The following LIPA variants were observed in gnomAD, a reference collection of about 807,000 sequenced individuals.
LIPA encodes the protein lysosomal acid lipase/cholesteryl ester hydrolase.
Under a neutral mutation model 40.6 loss-of-function variants are expected in LIPA, and 26 were observed. The observed-to-expected ratio is 0.64, with a 90% CI of 0.47 to 0.89. The LOEUF (loss-of-function observed/expected upper bound fraction) is 0.89. Ranked by LOEUF, LIPA falls within the 40% of genes least tolerant of loss-of-function variation. The pLI is 0.00. For synonymous variants in LIPA, 188 were observed against 168.4 expected (o/e 1.12, Z -0.90); for missense variants, 455 against 479.6 (o/e 0.95, Z 0.48).
intron 2 of LIPA, among the ~76,000 whole-genome samples, chr10:89,392,263 C>T (rs1335275293): frequency 1.3e-5 from 2 of 152,050 alleles, no homozygotes; most frequent in Non-Finnish European, 2.9e-5. Context: ...ATAGAGCTAT[C>T]TCCTTCAATT....
At chr10:89,269,316 CA>C (rs1427471489) in intron 1 of LIPA, among the ~76,000 whole-genome samples, 1 of 151,900 alleles carries the variant, frequency 6.6e-6, no homozygotes, top group Admixed American at 6.6e-5. Flanking sequence ...GTGACAGAGT[CA>C]AAAAAATAAT....
chr10:89,222,528 T>C lies in LIPA; in HGVS notation c.877A>G (p.Met293Val), dbSNP rs764343762. The C allele has an allele frequency of 5.0e-6, 8 of 1,609,956 alleles. No homozygotes were observed. The highest frequency in any genetic ancestry group is 1.3e-5 in the African/African-American group (1 of 74,836). ...ATGCCTACCTGGCTCCAGTGTAACA[T>C]GTTTTGCACAGAAGTTCCAGCAGGA... ...HSPAGTSVQN[M>V]LHWSQAVKFQ... Residue 293 changes from methionine (M) to valine (V), a missense_variant, in exon 8 of 10, where the codon ATG (methionine) becomes GTG (valine). By Grantham distance (21) the Met-to-Val change is conservative. Transcript: ENST00000336233.
intron 2 of LIPA, among the ~76,000 whole-genome samples, chr10:89,396,231 G>T (rs1462105474): frequency 1.3e-5 from 2 of 152,144 alleles, no homozygotes; most frequent in Admixed American, 6.5e-5. Context: ...ATGTATGAGG[G>T]TTTCAATTTC....
chr10:89,219,861 C>T (rs1017195392), intron 8 of LIPA, among the ~76,000 whole-genome samples: 24 of 152,384 alleles, frequency 1.6e-4, no homozygotes, highest in African/African-American at 5.8e-4. Flanking sequence ...AAGGCCCAGG[C>T]TGCCTTGTAC....
At chr10:89,320,718 T>C (rs1311970738) in intron 1 of LIPA, among the ~76,000 whole-genome samples, 1 of 152,204 alleles carries the variant, frequency 6.6e-6, no homozygotes, top group Non-Finnish European at 1.5e-5. Context: ...AAAAAACTAC[T>C]TTAAAGTTCA....
intron 1 of LIPA, among the ~76,000 whole-genome samples, chr10:89,258,254 G>A (rs1843190784): frequency 6.6e-6 from 1 of 152,144 alleles, no homozygotes; most frequent in East Asian, 1.9e-4. Flanking sequence ...AATGAACCTA[G>A]ACCCTTAAGT....
At chr10:89,380,355 G>A (rs544228051) in intron 2 of LIPA, among the ~76,000 whole-genome samples, 1 of 152,160 alleles carries the variant, frequency 6.6e-6, no homozygotes, top group African/African-American at 2.4e-5. Context: ...CCAGGGAAAT[G>A]CCTCACAAAA....
At chr10:89,318,270 G>T (rs879055766) in intron 1 of LIPA, among the ~76,000 whole-genome samples, 3 of 152,152 alleles carry the variant, frequency 2.0e-5, no homozygotes, top group African/African-American at 7.2e-5. Flanking sequence ...ACACAGACTG[G>T]CAAATTGGCT....
chr10:89,322,007 G>A (rs533075063), intron 1 of LIPA, among the ~76,000 whole-genome samples: 12 of 152,194 alleles, frequency 7.9e-5, no homozygotes, highest in South Asian at 2.1e-4. Flanking sequence ...CTCATAAGTC[G>A]GAACTGAGCA....
At position 89,237,474 on chromosome 10, in the gene LIPA, ATC is replaced by A. The variant is rs1388939320; in HGVS notation, c.229+8200_229+8201del. 9.8e-4 allele frequency among the ~76,000 whole-genome samples: 149 copies of A among 152,246 alleles called. 1 individual carries two copies. The highest frequency in any genetic ancestry group is 3.5e-3 in the African/African-American group (145 of 41,534). ...CTAACAAAAAAAAATATATATATATATCCCACAAAGGACGTTTATTAGTAAGG... is the reference window on the plus strand; with the variant it reads ...CTAACAAAAAAAAATATATATATATACCACAAAGGACGTTTATTAGTAAGG... On this transcript the variant is annotated intron_variant, in intron 3 of 9. Transcript: ENST00000336233.
chr10:89,298,149 C>T (rs1029231743), intron 1 of LIPA, among the ~76,000 whole-genome samples: 2 of 152,194 alleles, frequency 1.3e-5, no homozygotes, highest in Non-Finnish European at 2.9e-5. Flanking sequence ...ACTTGAGAAC[C>T]CACTCACCCA....
intron 1 of LIPA, among the ~76,000 whole-genome samples, chr10:89,294,943 A>C (rs1843401056): frequency 6.6e-6 from 1 of 151,564 alleles, no homozygotes; most frequent in Non-Finnish European, 1.5e-5. Context: ...GCGCCACTGC[A>C]CTCCAGCCTG....
chr10:89,363,141 G>T, intron 2 of LIPA: 1 of 225,590 alleles, frequency 4.4e-6, no homozygotes, highest in South Asian at 8.6e-5. Flanking sequence ...GGCCTTGCAG[G>T]GAACACCCAC....
At chr10:89,360,501 A>C (rs1213723862) in intron 2 of LIPA, among the ~76,000 whole-genome samples, 1 of 152,214 alleles carries the variant, frequency 6.6e-6, no homozygotes, top group African/African-American at 2.4e-5. Context: ...TTTCTAATTT[A>C]CACAAGCACC....
intron 3 of LIPA, among the ~76,000 whole-genome samples, chr10:89,235,569 C>T (rs1002768933): frequency 3.9e-5 from 6 of 152,344 alleles, no homozygotes; most frequent in African/African-American, 1.4e-4. Context: ...CCCACAGTCC[C>T]GCAGGAGGAA....
At chr10:89,413,780 AAAC>A (rs1478936737) in intron 1 of LIPA, among the ~76,000 whole-genome samples, 4 of 148,674 alleles carry the variant, frequency 2.7e-5, no homozygotes, top group Non-Finnish European at 5.9e-5. Context: ...AAAAAAAAAA[AAAC>A]CAAAATCAAT....
intron 1 of LIPA, among the ~76,000 whole-genome samples, chr10:89,414,171 A>G (rs904487652): frequency 2.0e-5 from 3 of 152,226 alleles, no homozygotes; most frequent in African/African-American, 7.2e-5. Context: ...CAAATTTCTC[A>G]GTTTACACCC....
intron 2 of LIPA, among the ~76,000 whole-genome samples, chr10:89,407,348 C>T (rs1414289652): frequency 6.6e-6 from 1 of 152,202 alleles, no homozygotes; most frequent in Admixed American, 6.5e-5. Flanking sequence ...CACTCCCTGT[C>T]TCTGGTGCTT....
intron 1 of LIPA, chr10:89,306,601 G>T (rs1157310362): frequency 6.2e-7 from 1 of 1,614,072 alleles, no homozygotes; most frequent in Non-Finnish European, 8.5e-7. Flanking sequence ...AAGTCCTCCT[G>T]GCTCTGAAGC....
Sources: allele counts gnomAD v4.1 joint callset (sites outside exome capture counted in the v4.1 genomes callset), GRCh38; gene constraint gnomAD v4.1.1; transcripts MANE v1.5; gene names NCBI Gene and HGNC (gene_info 2026-07-23, HGNC 2026-07-21).